The following LRCH1 variants were observed in gnomAD, a reference collection of about 807,000 sequenced individuals.
The protein encoded by LRCH1 is leucine-rich repeat and calponin homology domain-containing protein 1.
Under a neutral mutation model 94.9 loss-of-function variants are expected in LRCH1, and 23 were observed. The ratio of observed to expected loss-of-function variants is 0.24; its 90% confidence interval spans 0.17 to 0.34. The LOEUF (loss-of-function observed/expected upper bound fraction) is 0.34, where lower values mean the gene tolerates loss of function less well. Ranked by LOEUF, LRCH1 falls within the 10% of genes least tolerant of loss-of-function variation. The pLI, the probability that LRCH1 is intolerant of heterozygous loss-of-function variation, is 1.00. For missense variants in LRCH1, 790 were observed against 945.9 expected, an observed-to-expected ratio of 0.84 and a Z score of 2.16; for synonymous variants, 364 against 354.9, an observed-to-expected ratio of 1.03 and a Z score of -0.29.
At chr13:46,667,953 T>G (rs7993645) in intron 2 of LRCH1, among the ~76,000 whole-genome samples, 1 of 152,030 alleles carries the variant, frequency 6.6e-6, no homozygotes, top group Non-Finnish European at 1.5e-5. Context: ...ATAAATACAC[T>G]CACACAGGAA....
intron 1 of LRCH1, among the ~76,000 whole-genome samples, chr13:46,606,712 C>G (rs2050691958): frequency 6.6e-6 from 1 of 152,144 alleles, no homozygotes; most frequent in Admixed American, 6.5e-5. Flanking sequence ...GTTGGACTTA[C>G]AGGCGTGGGC....
rs1873756357 is a variant in LRCH1, at chr13:46,743,256, T to C, written c.*1408T>C. On this transcript the variant is annotated 3_prime_UTR_variant, in exon 20 of 20. Transcript: ENST00000389797. ...GAACATTTTCATGAATCCAGGGGAC[T>C]TGAAAATATGGAAGACCCACATAGT... is the stretch of plus-strand genomic sequence containing the variant. 1.0e-6 allele frequency: 1 copy of C among 985,564 alleles called. No individual in the cohort carries two copies. Among genetic ancestry groups the C allele is most frequent in the African/African-American group, 1.7e-5 (1 of 57,354 alleles). 61.1% of individuals were successfully genotyped at this position (985,564 alleles called of 1,614,324 possible). A position where few individuals can be genotyped will look rare whatever the true frequency, so the allele number is the denominator to read the frequency against.
intron 1 of LRCH1, among the ~76,000 whole-genome samples, chr13:46,588,871 G>A (rs1408592282): frequency 6.6e-6 from 1 of 151,924 alleles, no homozygotes; most frequent in Non-Finnish European, 1.5e-5. Flanking sequence ...CCAAAGTGTT[G>A]GGATTATAGG....
At chr13:46,749,105 G>T (rs1317313851), downstream of LRCH1, among the ~76,000 whole-genome samples, 1 of 152,194 alleles carries the variant, frequency 6.6e-6, no homozygotes, top group Non-Finnish European at 1.5e-5. Context: ...GCCCTTCCTT[G>T]CAGAGCACAC....
chr13:46,725,360 C>T (rs1369906544), intron 17 of LRCH1, among the ~76,000 whole-genome samples: 1 of 152,060 alleles, frequency 6.6e-6, no homozygotes, highest in African/African-American at 2.4e-5. Flanking sequence ...TAAATTTTTT[C>T]AATAAAGAAA....
rs1489262193 is a variant in LRCH1, at chr13:46,687,834, C to T, written c.823-18C>T. On this transcript the variant is annotated intron_variant, in intron 5 of 19. Coordinates refer to ENST00000389797, the MANE Select transcript of LRCH1 (RefSeq NM_001164211.2). Reference sequence around the variant, plus strand: ...TGTCATTGAAAAATGAATATGATTGCTATTAATTTCTTTGTAGATTTGCAC... The same window carrying T: ...TGTCATTGAAAAATGAATATGATTGTTATTAATTTCTTTGTAGATTTGCAC... The T allele has an allele frequency of 1.9e-6, 3 of 1,595,450 alleles. No individual in the cohort carries two copies. In the Admixed American group the frequency reaches 5.1e-5, roughly 27 times the overall value.
chr13:46,657,186 AT>A (rs2051379981), intron 2 of LRCH1, among the ~76,000 whole-genome samples: 1 of 151,720 alleles, frequency 6.6e-6, no homozygotes, highest in Non-Finnish European at 1.5e-5. Flanking sequence ...TGTATATATT[AT>A]TTTGTTTACA....
chr13:46,724,728 G>A (rs1433994501), intron 17 of LRCH1, among the ~76,000 whole-genome samples: 2 of 152,312 alleles, frequency 1.3e-5, no homozygotes, highest in East Asian at 1.9e-4. Context: ...AAGACAGCAC[G>A]TTATGAATTG....
intron 1 of LRCH1, among the ~76,000 whole-genome samples, chr13:46,573,867 T>TATATATATATATATATATATATATA (rs1555269135): frequency 3.0e-4 from 16 of 53,004 alleles, no homozygotes; most frequent in South Asian, 5.6e-4. Flanking sequence ...TATATATATA[T>TATATATATATATATATATATATATA]TTTTTTTTTT....
chr13:46,558,036 T>TAAAC (rs148392778), intron 1 of LRCH1, among the ~76,000 whole-genome samples: 1,897 of 151,750 alleles, frequency 0.013, 20 homozygotes, highest in Non-Finnish European at 0.02. Context: ...GACCCTGCCT[T>TAAAC]AAACAAACAA....
chr13:46,630,213 A>G (rs1249409302), intron 1 of LRCH1, among the ~76,000 whole-genome samples: 1 of 152,368 alleles, frequency 6.6e-6, no homozygotes, highest in East Asian at 1.9e-4. Context: ...GAGCTTATCT[A>G]GGATTTGAGT....
At chr13:46,720,877 T>C (rs1405253377) in intron 16 of LRCH1, among the ~76,000 whole-genome samples, 3 of 152,222 alleles carry the variant, frequency 2.0e-5, no homozygotes, top group African/African-American at 7.2e-5. Flanking sequence ...TTATATGTCA[T>C]AGTAATGAAT....
intron 1 of LRCH1, among the ~76,000 whole-genome samples, chr13:46,557,768 AG>A (rs2137892973): frequency 6.6e-6 from 1 of 152,200 alleles, no homozygotes; most frequent in East Asian, 1.9e-4. Flanking sequence ...ACTTGAACCC[AG>A]GAGGCGGAGG....
chr13:46,689,835 C>A (rs1250377964), intron 7 of LRCH1, among the ~76,000 whole-genome samples: 1 of 152,092 alleles, frequency 6.6e-6, no homozygotes, highest in Non-Finnish European at 1.5e-5. Flanking sequence ...GATTTATTAT[C>A]TCACATGTAG....
chr13:46,618,149 T>C (rs1281697949), intron 1 of LRCH1, among the ~76,000 whole-genome samples: 1 of 152,132 alleles, frequency 6.6e-6, no homozygotes, highest in East Asian at 1.9e-4. Flanking sequence ...ACACATAGGG[T>C]ATATGGTGTA....
intron 1 of LRCH1, among the ~76,000 whole-genome samples, chr13:46,586,491 C>T (rs9567706): frequency 0.071 from 10,824 of 152,268 alleles, 397 homozygotes; most frequent in East Asian, 0.1. Context: ...TCTTAGCTCA[C>T]TGCAGCTTCC....
In LRCH1 at chr13:46,744,641, A is replaced by ATTTCT. The variant is rs1873830614; in HGVS notation, c.*2793_*2794insTTTCT. 7 of 985,432 alleles carry ATTTCT rather than the reference A, an allele frequency of 7.1e-6. No homozygotes were observed. The highest frequency in any genetic ancestry group is 8.4e-6 in the Non-Finnish European group (7 of 829,926). 61.0% of individuals were successfully genotyped at this position (985,432 alleles called of 1,614,324 possible). On this transcript the variant is annotated 3_prime_UTR_variant, in exon 20 of 20. Transcript: ENST00000389797. ...GCTGCTATTTGTTTGTAAGAAATTA[A>ATTTCT]AACTAGCGCGTGGTGAGCTGGGTTA...
chr13:46,620,213 A>C (rs921918504), intron 1 of LRCH1, among the ~76,000 whole-genome samples: 1 of 152,138 alleles, frequency 6.6e-6, no homozygotes, highest in Non-Finnish European at 1.5e-5. Context: ...ATCCTTCTGC[A>C]TACTACCAAT....
Position 46,742,630 on chromosome 13 carries a change from G to A in LRCH1, c.*782G>A. The A allele has an allele frequency of 1.0e-6, 1 of 985,408 alleles. No individual in the cohort carries two copies. The highest frequency in any genetic ancestry group is 1.2e-6 in the Non-Finnish European group (1 of 829,946). The allele number at this position is 985,408 out of a possible 1,614,324, so 61.0% of individuals were successfully genotyped here. Reference sequence around the variant, plus strand: ...AATTCCTTGTTAGGTCTTCTCTTGAGGCTCTTAGAAAAGCGTTTTCCAGAG... The same window carrying A: ...AATTCCTTGTTAGGTCTTCTCTTGAAGCTCTTAGAAAAGCGTTTTCCAGAG... On this transcript the variant is annotated 3_prime_UTR_variant, in exon 20 of 20. Coordinates refer to ENST00000389797, the MANE Select transcript of LRCH1 (RefSeq NM_001164211.2).
Sources: gnomAD v4.1 joint callset for allele counts (sites outside exome capture counted in the v4.1 genomes callset) on GRCh38, gnomAD v4.1.1 for gene constraint, MANE v1.5 for transcripts, NCBI Gene and HGNC (gene_info 2026-07-23, HGNC 2026-07-21) for gene names.